The following ZSWIM6 variants were observed in gnomAD, a reference collection of about 807,000 sequenced individuals.
ZSWIM6 encodes zinc finger SWIM-type containing 6.
A neutral mutation model predicts 113.2 loss-of-function variants in ZSWIM6; 9 were observed. The ratio of observed to expected loss-of-function variants is 0.08; its 90% CI spans 0.05 to 0.14. ZSWIM6 has a LOEUF of 0.14. Among genes scored for constraint, ZSWIM6 ranks in the 10% least tolerant of loss-of-function variants. The pLI is 1.00. For missense variants in ZSWIM6, 1,162 were observed against 1,552.2 expected (o/e 0.75, Z 4.22); for synonymous variants, 611 against 606.5 (o/e 1.01, Z -0.11).
intron 4 of ZSWIM6, among the ~76,000 whole-genome samples, chr5:61,498,147 G>A (rs1296480601): frequency 1.3e-5 from 2 of 152,134 alleles, no homozygotes; most frequent in Non-Finnish European, 2.9e-5. Context: ...ATAAAATGAT[G>A]TCATTAGAGG....
intron 1 of ZSWIM6, among the ~76,000 whole-genome samples, chr5:61,371,492 G>A (rs935987566): frequency 6.6e-6 from 1 of 152,156 alleles, no homozygotes; most frequent in African/African-American, 2.4e-5. Context: ...ATTTTATTAG[G>A]CATATTAGCT....
At chr5:61,492,529 T>G (rs1748207526) in intron 3 of ZSWIM6, among the ~76,000 whole-genome samples, 1 of 152,148 alleles carries the variant, frequency 6.6e-6, no homozygotes, top group Non-Finnish European at 1.5e-5. Flanking sequence ...GATTATAATC[T>G]GGCCTATTTT....
At chr5:61,457,653 C>G (rs150187198) in intron 1 of ZSWIM6, among the ~76,000 whole-genome samples, 3,429 of 152,162 alleles carry the variant, frequency 0.023, 149 homozygotes, top group East Asian at 0.2. Context: ...TCCTGAGTAG[C>G]TGGGATTACA....
intron 1 of ZSWIM6, among the ~76,000 whole-genome samples, chr5:61,369,074 C>T (rs1273753175): frequency 6.6e-6 from 1 of 152,216 alleles, no homozygotes; most frequent in East Asian, 1.9e-4. Context: ...CCTTTTTAAA[C>T]TATAGAGTGT....
At position 61,375,513 on chromosome 5, in the gene ZSWIM6, A is replaced by G. The variant is rs889371378; in HGVS notation, c.676+42565A>G. The G allele has an allele frequency of 9.0e-6, 14 of 1,554,746 alleles. No individual in the cohort carries two copies. In the African/African-American group the frequency reaches 1.5e-4, roughly 17 times the overall value. On this transcript the variant is annotated intron_variant, in intron 1 of 13. Coordinates refer to ENST00000252744, the MANE Select transcript of ZSWIM6 (RefSeq NM_020928.2). ...AGAAACAAGGAAAACAGAGAAAGAA[A>G]AAGAAGAACCGTTCACATAAATCTT...
chr5:61,341,841 T>G (rs1346289010), intron 1 of ZSWIM6, among the ~76,000 whole-genome samples: 1 of 151,764 alleles, frequency 6.6e-6, no homozygotes, highest in Admixed American at 6.6e-5. Context: ...ACATAAATGA[T>G]GTGGTCTCCA....
Position 61,332,512 on chromosome 5 carries a change from C to T in ZSWIM6, c.240C>T (p.Ile80=), listed in dbSNP as rs1744275061. The T allele has an allele frequency of 5.3e-6, 7 of 1,316,210 alleles. No homozygotes were observed. Among genetic ancestry groups the T allele is most frequent in the Non-Finnish European group, 7.0e-6 (7 of 1,004,308 alleles). The allele number at this position is 1,316,210 out of a possible 1,614,324, so 81.5% of individuals were successfully genotyped here. The change falls in exon 1 of 14, where the codon ATC becomes ATT. Residue 80 remains isoleucine, a synonymous_variant. Transcript: ENST00000252744. ...KTQSPESLLD[I]AARRVAEKWP... is the part of the protein sequence containing the mutation. The stretch of plus-strand genomic sequence containing the variant: ...AGAGCCCCGAGTCGCTGCTGGACAT[C>T]GCGGCGCGCAGGGTGGCGGAGAAGT...
chr5:61,410,068 C>A (rs950902677), intron 1 of ZSWIM6, among the ~76,000 whole-genome samples: 8 of 152,154 alleles, frequency 5.3e-5, no homozygotes, highest in Non-Finnish European at 1.2e-4. Flanking sequence ...GTATGATCTT[C>A]ATGGTTTCCT....
At chr5:61,347,971 CA>C in intron 1 of ZSWIM6, among the ~76,000 whole-genome samples, 1 of 152,276 alleles carries the variant, frequency 6.6e-6, no homozygotes, top group Admixed American at 6.5e-5. Context: ...CCTGTAATCC[CA>C]GCACTTTGGG....
chr5:61,462,271 T>C (rs1197408917), intron 1 of ZSWIM6, among the ~76,000 whole-genome samples: 1 of 152,212 alleles, frequency 6.6e-6, no homozygotes, highest in Non-Finnish European at 1.5e-5. Flanking sequence ...CTGTAGAAAA[T>C]AATTTTATAT....
chr5:61,466,588 A>G (rs1747441808), intron 1 of ZSWIM6, among the ~76,000 whole-genome samples: 1 of 152,188 alleles, frequency 6.6e-6, no homozygotes, highest in Non-Finnish European at 1.5e-5. Flanking sequence ...TTTGGAAATA[A>G]TGTGCCATGA....
intron 1 of ZSWIM6, among the ~76,000 whole-genome samples, chr5:61,452,162 T>G (rs573403827): frequency 3.3e-5 from 5 of 152,298 alleles, no homozygotes; most frequent in South Asian, 4.1e-4. Flanking sequence ...AATTTCCCAC[T>G]GAGTGTCCTG....
At chr5:61,345,527 C>T (rs893740195) in intron 1 of ZSWIM6, among the ~76,000 whole-genome samples, 2 of 152,126 alleles carry the variant, frequency 1.3e-5, no homozygotes, top group East Asian at 1.9e-4. Flanking sequence ...TTGGAAGGGA[C>T]TTTAGTAAGA....
chr5:61,529,895 T>C (rs556544806), intron 7 of ZSWIM6, among the ~76,000 whole-genome samples, 157 bp from the exon 8 acceptor site: 10 of 152,338 alleles, frequency 6.6e-5, no homozygotes, highest in African/African-American at 2.2e-4. Context: ...TTATGGTACC[T>C]TTTGATTGGT....
intron 1 of ZSWIM6, among the ~76,000 whole-genome samples, chr5:61,469,229 C>G (rs1304885979): frequency 6.6e-6 from 1 of 152,182 alleles, no homozygotes; most frequent in Non-Finnish European, 1.5e-5. Context: ...AGAGTTCTTC[C>G]TCATTCAGTA....
At chr5:61,430,798 T>C (rs1746565211) in intron 1 of ZSWIM6, among the ~76,000 whole-genome samples, 1 of 152,230 alleles carries the variant, frequency 6.6e-6, no homozygotes, top group South Asian at 2.1e-4. Flanking sequence ...AGACTCCAGA[T>C]ACCTTGATCA....
chr5:61,429,779 G>A (rs1561233973), intron 1 of ZSWIM6, among the ~76,000 whole-genome samples: 2 of 152,150 alleles, frequency 1.3e-5, no homozygotes, highest in African/African-American at 4.8e-5. Context: ...GGTAAGGCCT[G>A]AGGACAGGGA....
chr5:61,510,122 T>G (rs540072872), intron 4 of ZSWIM6, among the ~76,000 whole-genome samples: 3 of 151,676 alleles, frequency 2.0e-5, no homozygotes, highest in African/African-American at 7.3e-5. Flanking sequence ...TAAGGTCTTA[T>G]GGCTGGTAAT....
intron 1 of ZSWIM6, among the ~76,000 whole-genome samples, chr5:61,363,716 A>G (rs1425510035): frequency 1.3e-5 from 2 of 152,204 alleles, no homozygotes; most frequent in African/African-American, 2.4e-5. Context: ...GAGGTAAGCT[A>G]AAATATGTTT....
Sources: gnomAD v4.1 joint callset for allele counts (sites outside exome capture counted in the v4.1 genomes callset) on GRCh38, gnomAD v4.1.1 for gene constraint, MANE v1.5 for transcripts, NCBI Gene and HGNC (gene_info 2026-07-23, HGNC 2026-07-21) for gene names.